The following PDE11A variants were observed in gnomAD, a reference collection of about 807,000 sequenced individuals.
The protein encoded by PDE11A is dual 3',5'-cyclic-AMP and -GMP phosphodiesterase 11A.
Under a neutral mutation model 100.5 loss-of-function variants are expected in PDE11A, and 100 were observed. The observed-to-expected ratio is 1.00, with a 90% CI of 0.85 to 1.18. The LOEUF is 1.18. PDE11A is among the 50% of genes most tolerant of loss of function. The pLI is 0.00. For synonymous variants in PDE11A, 381 were observed against 420.8 expected (o/e 0.91, Z 1.16); for missense variants, 1,141 against 1,152.6 (o/e 0.99, Z 0.15).
intron 10 of PDE11A, among the ~76,000 whole-genome samples, chr2:177,729,366 A>G (rs577766806): frequency 6.6e-6 from 1 of 152,184 alleles, no homozygotes; most frequent in Non-Finnish European, 1.5e-5. Context: ...CAACTATCTT[A>G]TAAGTCTGAT....
At chr2:177,805,710 T>G (rs1421882811) in intron 9 of PDE11A, among the ~76,000 whole-genome samples, 1 of 152,150 alleles carries the variant, frequency 6.6e-6, no homozygotes, top group Non-Finnish European at 1.5e-5. Context: ...CAAAATATCA[T>G]GAAATTACCA....
intron 2 of PDE11A, among the ~76,000 whole-genome samples, chr2:178,083,586 T>C (rs1165396350): frequency 1.3e-5 from 2 of 152,194 alleles, no homozygotes; most frequent in African/African-American, 2.4e-5. Flanking sequence ...GGCAGTCATA[T>C]AGATCCAAAG....
chr2:177,814,178 T>C (rs915941062), intron 9 of PDE11A, among the ~76,000 whole-genome samples: 13 of 152,276 alleles, frequency 8.5e-5, no homozygotes, highest in Middle Eastern at 3.4e-3. Context: ...AAATCTTTTA[T>C]GGGACTAAGC....
chr2:177,817,018 C>G (rs2083050627), intron 8 of PDE11A, 97 bp from the exon 9 acceptor site: 2 of 765,440 alleles, frequency 2.6e-6, no homozygotes, highest in Admixed American at 3.7e-5. Flanking sequence ...TCTGAAAATA[C>G]AATCTTGTTG....
chr2:177,657,639 C>T (rs78001908), intron 19 of PDE11A, among the ~76,000 whole-genome samples: 1 of 143,492 alleles, frequency 7.0e-6, no homozygotes, highest in African/African-American at 2.5e-5. Flanking sequence ...GGGAGAGGGG[C>T]AGGGAGAGAG....
At chr2:177,720,053 A>G (rs991741731) in intron 12 of PDE11A, among the ~76,000 whole-genome samples, 4 of 143,366 alleles carry the variant, frequency 2.8e-5, no homozygotes, top group Non-Finnish European at 6.2e-5. Flanking sequence ...TGGGTGGATC[A>G]CGGTGGTCAG....
chr2:177,979,529 C>T (rs1002159383), intron 2 of PDE11A, among the ~76,000 whole-genome samples: 3 of 148,856 alleles, frequency 2.0e-5, no homozygotes, highest in African/African-American at 4.9e-5. Context: ...TGGTATGCAG[C>T]GTCTCAATTC....
At chr2:177,693,966 C>A (rs2081076236) in intron 15 of PDE11A, among the ~76,000 whole-genome samples, 1 of 152,178 alleles carries the variant, frequency 6.6e-6, no homozygotes. Flanking sequence ...AGGGATTGTT[C>A]TGGCTAAAAA....
At chr2:178,022,962 C>A (rs1321124353) in intron 1 of PDE11A, among the ~76,000 whole-genome samples, 3 of 152,326 alleles carry the variant, frequency 2.0e-5, no homozygotes, top group Middle Eastern at 3.4e-3. Flanking sequence ...GTGCAGAAAT[C>A]TTTTCCATGC....
At chr2:177,697,535 C>T in intron 14 of PDE11A, 103 bp from the exon 15 acceptor site, 1 of 694,092 alleles carries the variant, frequency 1.4e-6, no homozygotes, top group South Asian at 1.5e-5. Flanking sequence ...TTAAAAAAAT[C>T]ACTTTTTAAA....
At chr2:177,661,680 T>C (rs555983668) in intron 19 of PDE11A, among the ~76,000 whole-genome samples, 71 of 152,310 alleles carry the variant, frequency 4.7e-4, no homozygotes, top group Middle Eastern at 6.8e-3. Flanking sequence ...AGATCTTTTT[T>C]TACTTAGTGA....
At chr2:177,876,069 TAGAAG>T (rs1322478790) in intron 4 of PDE11A, 146 bp from the exon 5 acceptor site, 3 of 679,298 alleles carry the variant, frequency 4.4e-6, no homozygotes, top group Non-Finnish European at 8.0e-6. Flanking sequence ...CAAGACAGAG[TAGAAG>T]AGGAGAATCC....
intron 6 of PDE11A, among the ~76,000 whole-genome samples, chr2:177,829,902 C>T (rs1353973047): frequency 1.3e-5 from 2 of 152,086 alleles, no homozygotes; most frequent in South Asian, 2.1e-4. Flanking sequence ...GGTGATGTTA[C>T]GTTACATGGC....
intron 1 of PDE11A, among the ~76,000 whole-genome samples, chr2:178,017,733 G>A (rs1018255217): frequency 1.4e-4 from 22 of 152,204 alleles, no homozygotes; most frequent in African/African-American, 4.3e-4. Flanking sequence ...GGCTGAGGCC[G>A]GCAGATCACG....
chr2:177,822,235 T>G (rs1293903890), intron 6 of PDE11A, among the ~76,000 whole-genome samples: 1 of 152,000 alleles, frequency 6.6e-6, no homozygotes, highest in African/African-American at 2.4e-5. Context: ...ACATTTAAAT[T>G]TATAATCCAA....
chr2:177,906,135 T>C (rs1366869295), intron 2 of PDE11A, among the ~76,000 whole-genome samples: 1 of 151,944 alleles, frequency 6.6e-6, no homozygotes, highest in Non-Finnish European at 1.5e-5. Context: ...CATGTTTATA[T>C]CATAGACTCT....
intron 2 of PDE11A, among the ~76,000 whole-genome samples, chr2:178,090,808 A>G (rs2087413240): frequency 6.6e-6 from 1 of 152,200 alleles, no homozygotes; most frequent in Non-Finnish European, 1.5e-5. Flanking sequence ...CCCTTATCAG[A>G]TAATTCCTTC....
chr2:178,033,593 A>C lies in PDE11A; in HGVS notation c.913-19133T>G, dbSNP rs531932332. Among the ~76,000 whole-genome samples the C allele has an allele frequency of 2.0e-5, 3 of 152,278 alleles. No homozygotes were observed. The South Asian group carries it at 6.2e-4, about 32-fold the overall frequency. On this transcript the variant is annotated intron_variant, in intron 1 of 19. Coordinates refer to ENST00000286063, the MANE Select transcript of PDE11A (RefSeq NM_016953.4). Reference sequence around the variant, plus strand: ...CAAGAAGAGCAACCCCAAGACACATAATCATCAGATTCTCCAAGGTTGAAA... The same window carrying C: ...CAAGAAGAGCAACCCCAAGACACATCATCATCAGATTCTCCAAGGTTGAAA...
At chr2:177,699,755 G>C (rs1309022117) in intron 14 of PDE11A, among the ~76,000 whole-genome samples, 1 of 152,166 alleles carries the variant, frequency 6.6e-6, no homozygotes, top group African/African-American at 2.4e-5. Flanking sequence ...CTTTCTGATG[G>C]GCAGGACCAC....
Sources: gnomAD v4.1 joint callset for allele counts (sites outside exome capture counted in the v4.1 genomes callset) on GRCh38, gnomAD v4.1.1 for gene constraint, MANE v1.5 for transcripts, NCBI Gene and HGNC (gene_info 2026-07-23, HGNC 2026-07-21) for gene names.